Variants in HEMK2 observed in about 807,000 individuals in gnomAD.
HEMK2 encodes the protein HemK methyltransferase 2, ETF1 glutamine and histone H4 lysine.
the HEMK2 span, among the ~76,000 whole-genome samples, chr21:28,677,890 C>T: frequency 1.3e-5 from 2 of 152,312 alleles, no homozygotes; most frequent in East Asian, 3.9e-4. Context: ...ACCAAAACCC[C>T]ATCTGTACGT....
chr21:28,587,890 T>G, the HEMK2 span, among the ~76,000 whole-genome samples: 1 of 152,220 alleles, frequency 6.6e-6, no homozygotes, highest in African/African-American at 2.4e-5. Flanking sequence ...AATAGCATAC[T>G]TTGGTATTCT....
At chr21:28,693,489 A>T in the HEMK2 span, among the ~76,000 whole-genome samples, 1 of 152,216 alleles carries the variant, frequency 6.6e-6, no homozygotes, top group African/African-American at 2.4e-5. Context: ...AGCCCCCAAA[A>T]GAATGAGGAA....
chr21:28,605,280 A>T, the HEMK2 span, among the ~76,000 whole-genome samples: 1 of 152,226 alleles, frequency 6.6e-6, no homozygotes, highest in Admixed American at 6.5e-5. Flanking sequence ...GCTGAGTCTC[A>T]AATATATTGA....
chr21:28,753,116 G>A, the HEMK2 span, among the ~76,000 whole-genome samples: 162 of 152,270 alleles, frequency 1.1e-3, no homozygotes, highest in Non-Finnish European at 1.9e-3. Context: ...GTACACTTTG[G>A]AAGGCCAAGA....
At chr21:28,648,942 C>A in the HEMK2 span, among the ~76,000 whole-genome samples, 2 of 136,250 alleles carry the variant, frequency 1.5e-5, no homozygotes, top group Non-Finnish European at 3.0e-5. Flanking sequence ...CCGCTCCCCC[C>A]ACCCCACAAC....
chr21:28,633,052 C>T, the HEMK2 span, among the ~76,000 whole-genome samples: 2 of 152,196 alleles, frequency 1.3e-5, no homozygotes, highest in African/African-American at 4.8e-5. Flanking sequence ...CAATCCACAG[C>T]TTTTCTCTAA....
At chr21:28,652,579 T>C in the HEMK2 span, among the ~76,000 whole-genome samples, 2 of 152,066 alleles carry the variant, frequency 1.3e-5, no homozygotes, top group East Asian at 3.9e-4. Flanking sequence ...GAATTAAAAA[T>C]GGCAAAGCAG....
At chr21:28,611,399 G>T in the HEMK2 span, among the ~76,000 whole-genome samples, 1 of 152,068 alleles carries the variant, frequency 6.6e-6, no homozygotes, top group Non-Finnish European at 1.5e-5. Context: ...TACTGCAACC[G>T]ATATTACAAC....
the HEMK2 span, among the ~76,000 whole-genome samples, chr21:28,862,131 A>T: frequency 6.6e-6 from 1 of 152,206 alleles, no homozygotes; most frequent in Non-Finnish European, 1.5e-5. Context: ...GGTAAGGAAG[A>T]GTTTGCATAG....
the HEMK2 span, among the ~76,000 whole-genome samples, chr21:28,593,962 T>C: frequency 2.6e-5 from 4 of 152,214 alleles, no homozygotes; most frequent in Admixed American, 2.6e-4. Flanking sequence ...AACAGCAAAA[T>C]TTGACAAACA....
At chr21:28,805,842 T>A in the HEMK2 span, among the ~76,000 whole-genome samples, 1 of 152,188 alleles carries the variant, frequency 6.6e-6, no homozygotes, top group Non-Finnish European at 1.5e-5. Context: ...AGGTGCTACA[T>A]GTTTTAAAAG....
chr21:28,668,132 T>C, the HEMK2 span, among the ~76,000 whole-genome samples: 3 of 152,232 alleles, frequency 2.0e-5, no homozygotes, highest in East Asian at 3.9e-4. Context: ...TAAGTCAAAT[T>C]AGAACAAACA....
At chr21:28,762,334 T>C in the HEMK2 span, among the ~76,000 whole-genome samples, 1 of 152,194 alleles carries the variant, frequency 6.6e-6, no homozygotes, top group South Asian at 2.1e-4. Context: ...CCTACAATAT[T>C]TTCTGCTTGA....
At chr21:28,730,228 T>C in the HEMK2 span, among the ~76,000 whole-genome samples, 1 of 151,856 alleles carries the variant, frequency 6.6e-6, no homozygotes, top group African/African-American at 2.4e-5. Context: ...AAAAAAAGTT[T>C]TAATTAGCCA....
the HEMK2 span, among the ~76,000 whole-genome samples, chr21:28,789,864 C>T: frequency 6.6e-6 from 1 of 152,116 alleles, no homozygotes; most frequent in Non-Finnish European, 1.5e-5. Flanking sequence ...AGACTAAGAC[C>T]AGACTAAAAT....
At chr21:28,680,902 CA>C in the HEMK2 span, among the ~76,000 whole-genome samples, 48 of 152,234 alleles carry the variant, frequency 3.2e-4, no homozygotes, top group African/African-American at 1.2e-3. Flanking sequence ...GGACGTATCT[CA>C]AAATAATAAG....
chr21:28,686,629 G>T, the HEMK2 span, among the ~76,000 whole-genome samples: 1 of 152,186 alleles, frequency 6.6e-6, no homozygotes, highest in East Asian at 1.9e-4. Context: ...GCATAAAAGA[G>T]TTTATACTAT....
At chr21:28,844,378 A>G in the HEMK2 span, among the ~76,000 whole-genome samples, 2 of 152,098 alleles carry the variant, frequency 1.3e-5, no homozygotes, top group African/African-American at 2.4e-5. Flanking sequence ...GTCTACATAT[A>G]TAAGTATTAT....
the HEMK2 span, among the ~76,000 whole-genome samples, chr21:28,802,042 T>C: frequency 1.3e-5 from 2 of 152,182 alleles, no homozygotes; most frequent in South Asian, 4.1e-4. Context: ...ATCCTGTATA[T>C]ATACATGAGC....
Sources: gnomAD v4.1 joint callset for allele counts (sites outside exome capture counted in the v4.1 genomes callset) on GRCh38, gnomAD v4.1.1 for gene constraint, MANE v1.5 for transcripts, NCBI Gene and HGNC (gene_info 2026-07-23, HGNC 2026-07-21) for gene names.